The following TUSC3 variants were observed in gnomAD, a reference collection of about 807,000 sequenced individuals.
TUSC3 encodes tumor suppressor candidate 3.
Under a neutral mutation model 44.8 loss-of-function variants are expected in TUSC3, and 45 were observed. The observed-to-expected ratio is 1.00, with a 90% CI of 0.79 to 1.29. The LOEUF is 1.29. Among genes scored for constraint, TUSC3 ranks in the 50% most tolerant of loss-of-function variants. TUSC3 has a pLI of 0.00. For missense variants in TUSC3, 519 were observed against 437.9 expected (o/e 1.19, Z -1.65); for synonymous variants, 212 against 152.9 (o/e 1.39, Z -2.85).
At chr8:15,481,965 T>G (rs1800668756) in intron 1 of TUSC3, among the ~76,000 whole-genome samples, 1 of 152,222 alleles carries the variant, frequency 6.6e-6, no homozygotes, top group Admixed American at 6.5e-5. Context: ...GATACCATTT[T>G]ACCACTTTGA....
chr8:15,581,887 G>A lies in TUSC3; in HGVS notation c.139-41193G>A, dbSNP rs1231252747. Among the ~76,000 whole-genome samples the A allele has an allele frequency of 4.3e-5, 6 of 138,930 alleles. 1 individual carries two copies. The highest frequency in any genetic ancestry group is 2.8e-4 in the Admixed American group (4 of 14,234). 91.1% of individuals were successfully genotyped at this position (138,930 alleles called of 152,430 possible). A position where few individuals can be genotyped will look rare whatever the true frequency, so the allele number is the denominator to read the frequency against. The stretch of plus-strand genomic sequence containing the variant: ...GTTTACCTAATCAAGCCTGGGCAAT[G>A]GCGGGCGCCCCTCCCCCAGCCTCGC... On this transcript the variant is annotated intron_variant, in intron 1 of 10. Coordinates refer to ENST00000503731, the MANE Select transcript of TUSC3 (RefSeq NM_006765.4).
the TUSC3 span, among the ~76,000 whole-genome samples, chr8:15,845,770 A>T: frequency 6.6e-6 from 1 of 152,296 alleles, no homozygotes; most frequent in South Asian, 2.1e-4. Flanking sequence ...TTATTTCACT[A>T]TAGCTACGTG....
At chr8:15,720,488 GCC>G (rs1350026699) in intron 6 of TUSC3, among the ~76,000 whole-genome samples, 7 of 152,088 alleles carry the variant, frequency 4.6e-5, no homozygotes, top group Admixed American at 6.6e-5. Context: ...CCTTACCAGT[GCC>G]ATTTTTATTT....
intron 1 of TUSC3, among the ~76,000 whole-genome samples, chr8:15,599,452 G>T (rs879530153): frequency 6.6e-6 from 1 of 151,584 alleles, no homozygotes; most frequent in African/African-American, 2.4e-5. Flanking sequence ...ATGAAGTCTA[G>T]CTTATTATTT....
intron 2 of TUSC3, among the ~76,000 whole-genome samples, chr8:15,520,574 A>C (rs762749197): frequency 2.0e-5 from 3 of 152,186 alleles, no homozygotes; most frequent in Admixed American, 6.6e-5. Context: ...TGTTGTATTA[A>C]ACCTCTGCAC....
At chr8:15,602,156 A>G (rs1026624634) in intron 1 of TUSC3, among the ~76,000 whole-genome samples, 29 of 151,572 alleles carry the variant, frequency 1.9e-4, no homozygotes, top group Non-Finnish European at 1.8e-4. Flanking sequence ...AAAACATTCC[A>G]AAGTCTGAAA....
intron 2 of TUSC3, among the ~76,000 whole-genome samples, chr8:15,486,733 G>A (rs1190661022): frequency 6.6e-6 from 1 of 152,090 alleles, no homozygotes; most frequent in Non-Finnish European, 1.5e-5. Flanking sequence ...ACAAGCCACC[G>A]CGCCTGGCCT....
the TUSC3 span, among the ~76,000 whole-genome samples, chr8:15,830,805 A>G: frequency 6.6e-6 from 1 of 152,162 alleles, no homozygotes; most frequent in African/African-American, 2.4e-5. Flanking sequence ...ATTGAGTATG[A>G]TATTTACTAT....
At chr8:15,428,724 T>C (rs1799835742) in intron 1 of TUSC3, among the ~76,000 whole-genome samples, 1 of 152,224 alleles carries the variant, frequency 6.6e-6, no homozygotes, top group Admixed American at 6.5e-5. Context: ...TGGCCAGTGA[T>C]GATGAGCATT....
chr8:15,699,928 C>A (rs1260105241), intron 6 of TUSC3, among the ~76,000 whole-genome samples: 2 of 152,046 alleles, frequency 1.3e-5, no homozygotes, highest in Non-Finnish European at 2.9e-5. Context: ...TCTTGCTAGC[C>A]CATTTTTTAT....
chr8:15,824,236 C>G, the TUSC3 span, among the ~76,000 whole-genome samples: 1 of 152,052 alleles, frequency 6.6e-6, no homozygotes, highest in East Asian at 1.9e-4. Context: ...CGATTATTAC[C>G]TGATGCATGA....
At chr8:15,631,875 T>A (rs1329519130) in intron 2 of TUSC3, among the ~76,000 whole-genome samples, 2 of 151,854 alleles carry the variant, frequency 1.3e-5, no homozygotes, top group Non-Finnish European at 2.9e-5. Context: ...CTGGCTAAAT[T>A]TTTTTGTATT....
chr8:15,590,631 T>C (rs1356639165), intron 1 of TUSC3, among the ~76,000 whole-genome samples: 1 of 151,544 alleles, frequency 6.6e-6, no homozygotes, highest in Admixed American at 6.6e-5. Context: ...TTTATAAATA[T>C]TTATTTTTAT....
chr8:15,713,559 G>T lies in TUSC3; in HGVS notation c.799-17107G>T, dbSNP rs967399774. 1.5e-4 allele frequency among the ~76,000 whole-genome samples: 23 copies of T among 152,060 alleles called. 1 individual carries two copies. Among genetic ancestry groups the T allele is most frequent in the Admixed American group, 1.4e-3 (21 of 15,240 alleles). ...GGTTCCAACAACAGAAAATGTATTT[G>T]CTCAGGATTACGAAGCCTACACACA... On this transcript the variant is annotated intron_variant, in intron 6 of 10. Coordinates refer to ENST00000503731, the MANE Select transcript of TUSC3 (RefSeq NM_006765.4).
chr8:15,451,495 G>T (rs1000791297), intron 1 of TUSC3, among the ~76,000 whole-genome samples: 3 of 152,178 alleles, frequency 2.0e-5, no homozygotes, highest in African/African-American at 7.2e-5. Context: ...AAAAGGATAG[G>T]ATTGGAGACT....
chr8:15,539,499 C>G (rs1037870289), upstream of TUSC3, among the ~76,000 whole-genome samples: 2 of 151,534 alleles, frequency 1.3e-5, no homozygotes, highest in Admixed American at 1.3e-4. Flanking sequence ...CTGCAAGGCG[C>G]TCCACCATGC....
At chr8:15,483,588 C>T (rs1444049196) in intron 2 of TUSC3, 1 of 152,744 alleles carries the variant, frequency 6.5e-6, no homozygotes, top group African/African-American at 2.4e-5. Flanking sequence ...ATCTGCCCAC[C>T]TTGGCCTCCC....
intron 1 of TUSC3, among the ~76,000 whole-genome samples, chr8:15,609,351 C>G (rs1429244186): frequency 6.6e-6 from 1 of 152,154 alleles, no homozygotes; most frequent in Admixed American, 6.6e-5. Context: ...CTCATTTACA[C>G]TGGTAATAGT....
intron 1 of TUSC3, among the ~76,000 whole-genome samples, chr8:15,482,746 A>T (rs1002816882): frequency 6.6e-6 from 1 of 152,204 alleles, no homozygotes; most frequent in Non-Finnish European, 1.5e-5. Context: ...GTATGTACAG[A>T]ATAATAGCAA....
Sources: gnomAD v4.1 joint callset for allele counts (sites outside exome capture counted in the v4.1 genomes callset) on GRCh38, gnomAD v4.1.1 for gene constraint, MANE v1.5 for transcripts, NCBI Gene and HGNC (gene_info 2026-07-23, HGNC 2026-07-21) for gene names.